The following FAM193A variants were observed in gnomAD, a reference collection of about 807,000 sequenced individuals.
FAM193A encodes the protein family with sequence similarity 193 member A, also known as protein FAM193A.
FAM193A carries 22 observed loss-of-function variants against 126.5 expected under a neutral mutation model. The observed-to-expected ratio is 0.17, with a 90% confidence interval of 0.12 to 0.25. The LOEUF (loss-of-function observed/expected upper bound fraction) is 0.25, where lower values mean the gene tolerates loss of function less well. Among genes scored for constraint, FAM193A ranks in the 10% least tolerant of loss-of-function variants. FAM193A has a pLI of 1.00. For synonymous variants in FAM193A, 761 were observed against 646.8 expected, an observed-to-expected ratio of 1.18 and a Z score of -2.68; for missense variants, 1,675 against 1,672.8, an observed-to-expected ratio of 1.00 and a Z score of -0.02.
At chr4:2,632,909 C>T (rs1047475172) in intron 5 of FAM193A, among the ~76,000 whole-genome samples, 1 of 152,188 alleles carries the variant, frequency 6.6e-6, no homozygotes, top group African/African-American at 2.4e-5. Context: ...GGATGCTCTC[C>T]AGCCCACCTA....
intron 1 of FAM193A, among the ~76,000 whole-genome samples, chr4:2,573,850 G>A (rs1426452389): frequency 1.3e-5 from 2 of 152,254 alleles, no homozygotes; most frequent in Admixed American, 6.5e-5. Context: ...AGGGAGATGA[G>A]GGGTGCACCC....
chr4:2,537,679 C>T (rs961994605), intron 1 of FAM193A, among the ~76,000 whole-genome samples: 3 of 152,230 alleles, frequency 2.0e-5, no homozygotes, highest in Non-Finnish European at 4.4e-5. Context: ...TGGCCACCTT[C>T]GTTATTCCGT....
chr4:2,564,143 G>A (rs1364837902), intron 1 of FAM193A, among the ~76,000 whole-genome samples: 1 of 152,048 alleles, frequency 6.6e-6, no homozygotes, highest in African/African-American at 2.4e-5. Flanking sequence ...GTGCAGTGGC[G>A]TGATCATGGC....
intron 2 of FAM193A, among the ~76,000 whole-genome samples, chr4:2,601,005 G>A (rs1577060341): frequency 1.3e-5 from 2 of 152,122 alleles, no homozygotes; most frequent in Admixed American, 6.5e-5. Flanking sequence ...CTGTAGTTGC[G>A]GCTACACAGG....
chr4:2,563,450 T>C (rs557603342), intron 1 of FAM193A, among the ~76,000 whole-genome samples: 13 of 151,032 alleles, frequency 8.6e-5, no homozygotes, highest in Admixed American at 3.3e-4. Context: ...CCACCTATAA[T>C]CCCAGTACTT....
At position 2,660,070 on chromosome 4, in the gene FAM193A, G is replaced by A. The variant is rs199796324; in HGVS notation, c.1745+16G>A. On this transcript the variant is annotated intron_variant, in intron 10 of 20. Coordinates refer to ENST00000637812, the MANE Select transcript of FAM193A (RefSeq NM_001366318.2). ...CACCAACTTTGTAAGTTGTGACTTT[G>A]TAATAAAGTTTCCGAAATTTAAGTC... is the stretch of plus-strand genomic sequence containing the variant. 7.5e-6 allele frequency: 12 copies of A among 1,610,072 alleles called. No individual in the cohort carries two copies. The African/African-American group carries it at 1.6e-4, about 21-fold the overall frequency.
At chr4:2,664,694 T>C (rs1712905897) in intron 12 of FAM193A, among the ~76,000 whole-genome samples, 1 of 151,466 alleles carries the variant, frequency 6.6e-6, no homozygotes, top group Non-Finnish European at 1.5e-5. Context: ...CTCCCAAGTA[T>C]CTGGGACTAC....
intron 1 of FAM193A, among the ~76,000 whole-genome samples, chr4:2,594,407 C>G (rs1383041469): frequency 6.6e-6 from 1 of 152,190 alleles, no homozygotes; most frequent in African/African-American, 2.4e-5. Flanking sequence ...CTTGGAGAAG[C>G]TTCTGGGTGG....
At chr4:2,570,553 G>A (rs980056503) in intron 1 of FAM193A, among the ~76,000 whole-genome samples, 3 of 152,020 alleles carry the variant, frequency 2.0e-5, no homozygotes, top group African/African-American at 4.8e-5. Context: ...CACATCTTTC[G>A]TTATAGGACA....
At chr4:2,599,464 A>G (rs993306338) in intron 2 of FAM193A, among the ~76,000 whole-genome samples, 1 of 152,158 alleles carries the variant, frequency 6.6e-6, no homozygotes, top group African/African-American at 2.4e-5. Context: ...AGCTTTCTGC[A>G]TCCAGAGGGG....
chr4:2,659,873 G>T lies in FAM193A; in HGVS notation c.1564G>T (p.Val522Phe), dbSNP rs561355288. ...ILTCGIMDPP[V>F]TDDIHIHQLP... ...CACGTGTGGTATCATGGACCCCCCC[G>T]TCACTGATGACATCCACATTCACCA... Residue 522 changes from valine to phenylalanine, a missense_variant, in exon 10 of 21, where the codon GTC (valine) becomes TTC (phenylalanine). Around this residue, in one of 4 missense-constraint regions of FAM193A, gnomAD observed 1,186 missense variants for 1,109.2 expected, o/e 1.07. Coordinates refer to ENST00000637812, the MANE Select transcript of FAM193A (RefSeq NM_001366318.2). The T allele has an allele frequency of 6.2e-7, 1 of 1,614,106 alleles. No individual in the cohort carries two copies. The highest frequency in any genetic ancestry group is 1.1e-5 in the South Asian group (1 of 91,084).
At chr4:2,725,900 T>C (rs554255121) in intron 20 of FAM193A, among the ~76,000 whole-genome samples, 45 of 151,232 alleles carry the variant, frequency 3.0e-4, no homozygotes, top group Admixed American at 7.2e-4. Flanking sequence ...ATTTTTATTT[T>C]ATTATTATTA....
chr4:2,659,516 G>A (rs780696005), intron 8 of FAM193A, 42 bp from the exon 9 acceptor site: 1 of 1,345,982 alleles, frequency 7.4e-7, no homozygotes, highest in South Asian at 1.2e-5. Flanking sequence ...ATGTCTCGGG[G>A]AAGGGTCTTG....
At chr4:2,721,096 G>A (rs910882029) in intron 20 of FAM193A, among the ~76,000 whole-genome samples, 2 of 152,004 alleles carry the variant, frequency 1.3e-5, no homozygotes, top group Admixed American at 6.6e-5. Context: ...GGTGGATCAC[G>A]AGGCCAGGAG....
chr4:2,647,684 C>T (rs912160561), intron 7 of FAM193A, among the ~76,000 whole-genome samples: 1 of 152,224 alleles, frequency 6.6e-6, no homozygotes, highest in Non-Finnish European at 1.5e-5. Flanking sequence ...CCCCTCCCCC[C>T]GCTTCCCACC....
intron 1 of FAM193A, among the ~76,000 whole-genome samples, chr4:2,537,542 C>A (rs988522835): frequency 1.3e-5 from 2 of 152,232 alleles, no homozygotes; most frequent in African/African-American, 4.8e-5. Flanking sequence ...CTGGACCCGG[C>A]GGGTGATACC....
intron 12 of FAM193A, among the ~76,000 whole-genome samples, chr4:2,671,878 T>C (rs1011635697): frequency 5.3e-5 from 8 of 152,190 alleles, no homozygotes; most frequent in Non-Finnish European, 1.2e-4. Context: ...TCAGAACCAG[T>C]GGCTCTACCT....
chr4:2,545,203 G>A (rs1178384274), intron 1 of FAM193A, among the ~76,000 whole-genome samples: 1 of 152,148 alleles, frequency 6.6e-6, no homozygotes, highest in Non-Finnish European at 1.5e-5. Context: ...ATGTTGGCCA[G>A]GCTGGCCTTG....
chr4:2,594,531 ACCT>A (rs1263913340), intron 1 of FAM193A, among the ~76,000 whole-genome samples: 1 of 152,016 alleles, frequency 6.6e-6, no homozygotes, highest in Non-Finnish European at 1.5e-5. Flanking sequence ...GGGTTCTCTC[ACCT>A]CCACCCCACT....
Sources: allele counts gnomAD v4.1 joint callset (sites outside exome capture counted in the v4.1 genomes callset), GRCh38; gene constraint gnomAD v4.1.1; regional missense constraint gnomAD v4.1.1; transcripts MANE v1.5; gene names NCBI Gene and HGNC (gene_info 2026-07-23, HGNC 2026-07-21).